The following SYT1 variants were observed in gnomAD, a reference collection of about 807,000 sequenced individuals.
SYT1 encodes the protein synaptotagmin 1, also known as synaptotagmin-1.
SYT1 carries 8 observed loss-of-function variants against 44.8 expected under a neutral mutation model. That is an observed-to-expected ratio of 0.18 (90% confidence interval 0.10 to 0.32). The LOEUF is 0.32. Ranked by LOEUF, SYT1 falls within the 10% of genes least tolerant of loss-of-function variation. SYT1 has a pLI of 1.00. For missense variants in SYT1, 286 were observed against 509.3 expected, an observed-to-expected ratio of 0.56 and a Z score of 4.22; for synonymous variants, 154 against 188.8, an observed-to-expected ratio of 0.82 and a Z score of 1.51.
At chr12:79,377,007 A>G (rs1884019496) in intron 9 of SYT1, among the ~76,000 whole-genome samples, 3 of 152,228 alleles carry the variant, frequency 2.0e-5, no homozygotes, top group East Asian at 3.8e-4. Flanking sequence ...TTATTGTTCA[A>G]TTTCATTCAT....
At chr12:79,001,424 G>A (rs1220637597) in intron 2 of SYT1, among the ~76,000 whole-genome samples, 4 of 152,014 alleles carry the variant, frequency 2.6e-5, no homozygotes, top group African/African-American at 4.8e-5. Flanking sequence ...TTCCTTTAGG[G>A]CAAATTTTAA....
intron 9 of SYT1, among the ~76,000 whole-genome samples, chr12:79,363,572 T>TA (rs113675330): frequency 0.14 from 19,320 of 139,492 alleles, 1,610 homozygotes; most frequent in African/African-American, 0.25. Context: ...CAAAAAAAAT[T>TA]AAAAAAAAAA....
intron 3 of SYT1, among the ~76,000 whole-genome samples, chr12:79,148,569 C>T (rs1261708185): frequency 1.3e-5 from 2 of 152,028 alleles, no homozygotes; most frequent in African/African-American, 4.8e-5. Flanking sequence ...TATTGTAATG[C>T]TCTTACTGAT....
rs543096918 is a variant in SYT1, at chr12:79,003,236, T to G, written c.-84+25305T>G. 2.6e-5 allele frequency among the ~76,000 whole-genome samples: 4 copies of G among 152,092 alleles called. No individual in the cohort carries two copies. The South Asian group carries it at 8.3e-4, about 32-fold the overall frequency. On this transcript the variant is annotated intron_variant, in intron 2 of 10. Coordinates refer to ENST00000261205, the MANE Select transcript of SYT1 (RefSeq NM_005639.3). ...AGTGATTGGTATCTAGAAATTTAAGTGTTTCTATCACATGACATCTCCTAG... is the reference window on the plus strand; with the variant it reads ...AGTGATTGGTATCTAGAAATTTAAGGGTTTCTATCACATGACATCTCCTAG...
intron 9 of SYT1, among the ~76,000 whole-genome samples, chr12:79,384,658 G>A (rs1884358564): frequency 6.6e-6 from 1 of 152,090 alleles, no homozygotes; most frequent in Non-Finnish European, 1.5e-5. Flanking sequence ...ACTCTCACCT[G>A]GGAGATCCGG....
At chr12:78,867,269 T>A (rs549948732) in intron 1 of SYT1, among the ~76,000 whole-genome samples, 1 of 152,262 alleles carries the variant, frequency 6.6e-6, no homozygotes, top group Non-Finnish European at 1.5e-5. Context: ...ATTTCTCCAC[T>A]GTCTTAGGAA....
At chr12:79,052,930 C>A (rs1024126796) in intron 3 of SYT1, among the ~76,000 whole-genome samples, 3 of 151,980 alleles carry the variant, frequency 2.0e-5, no homozygotes, top group East Asian at 1.9e-4. Flanking sequence ...TAGTTCAACC[C>A]TTATGGAAGT....
intron 1 of SYT1, among the ~76,000 whole-genome samples, chr12:78,882,203 TTGAC>T (rs1296164142): frequency 6.6e-6 from 1 of 151,766 alleles, no homozygotes; most frequent in African/African-American, 2.4e-5. Flanking sequence ...GCATAGGCGA[TTGAC>T]TGAACTTTAA....
At chr12:79,311,482 T>A (rs1359919583) in intron 8 of SYT1, among the ~76,000 whole-genome samples, 3 of 139,238 alleles carry the variant, frequency 2.2e-5, no homozygotes, top group African/African-American at 8.2e-5. Flanking sequence ...GATCTAGAAC[T>A]AGAAATACCA....
At chr12:79,248,208 A>G (rs1391476450) in intron 4 of SYT1, among the ~76,000 whole-genome samples, 2 of 152,198 alleles carry the variant, frequency 1.3e-5, no homozygotes, top group South Asian at 2.1e-4. Context: ...TGGAGAGTTG[A>G]GAAGATTATT....
intron 4 of SYT1, among the ~76,000 whole-genome samples, chr12:79,253,139 GA>G (rs1877314678): frequency 6.6e-6 from 1 of 151,850 alleles, no homozygotes; most frequent in Admixed American, 6.6e-5. Flanking sequence ...ATGACAAAAA[GA>G]AAAAAACTAT....
chr12:79,326,979 T>G (rs1341312393), intron 8 of SYT1, among the ~76,000 whole-genome samples: 1 of 152,184 alleles, frequency 6.6e-6, no homozygotes, highest in Non-Finnish European at 1.5e-5. Context: ...CTTTTCCACT[T>G]GAGTTCTAGT....
chr12:78,890,800 A>G (rs1198115831), intron 1 of SYT1, among the ~76,000 whole-genome samples: 1 of 151,824 alleles, frequency 6.6e-6, no homozygotes, highest in East Asian at 1.9e-4. Flanking sequence ...GTTACCTCCA[A>G]TCTACAATCC....
intron 3 of SYT1, among the ~76,000 whole-genome samples, chr12:79,106,402 G>A (rs921489367): frequency 6.6e-6 from 1 of 152,014 alleles, no homozygotes; most frequent in African/African-American, 2.4e-5. Flanking sequence ...CATGTCAATT[G>A]CTGGATATAA....
chr12:79,043,797 C>G (rs1873781916), intron 2 of SYT1, among the ~76,000 whole-genome samples: 1 of 152,154 alleles, frequency 6.6e-6, no homozygotes, highest in African/African-American at 2.4e-5. Context: ...GCACTTCCTT[C>G]AGGAGCTCTT....
intron 1 of SYT1, among the ~76,000 whole-genome samples, chr12:78,976,104 T>G (rs891358799): frequency 1.3e-5 from 2 of 152,188 alleles, no homozygotes; most frequent in Admixed American, 6.5e-5. Context: ...CTAACTAGCA[T>G]ATCCCAAATT....
At chr12:79,398,585 A>T (rs927406216) in intron 9 of SYT1, among the ~76,000 whole-genome samples, 7 of 152,158 alleles carry the variant, frequency 4.6e-5, no homozygotes, top group African/African-American at 1.4e-4. Context: ...TTGACTCTAG[A>T]AGTCAAGAAT....
At chr12:78,908,100 TTG>T (rs953843221) in intron 1 of SYT1, among the ~76,000 whole-genome samples, 11 of 151,998 alleles carry the variant, frequency 7.2e-5, no homozygotes, top group African/African-American at 2.4e-4. Context: ...CTTTATTTTT[TTG>T]TGTGTTTTTC....
At chr12:79,373,297 C>T (rs1433324918) in intron 9 of SYT1, among the ~76,000 whole-genome samples, 1 of 152,100 alleles carries the variant, frequency 6.6e-6, no homozygotes, top group African/African-American at 2.4e-5. Context: ...TTTGGGAGCA[C>T]ATTCCTCTTT....
Sources: gnomAD v4.1 joint callset for allele counts (sites outside exome capture counted in the v4.1 genomes callset) on GRCh38, gnomAD v4.1.1 for gene constraint, MANE v1.5 for transcripts, NCBI Gene and HGNC (gene_info 2026-07-23, HGNC 2026-07-21) for gene names.